PRKAG2: variants seen among roughly 807,000 people sequenced by gnomAD.
PRKAG2 encodes protein kinase AMP-activated non-catalytic subunit gamma 2.
Under a neutral mutation model 69.6 loss-of-function variants are expected in PRKAG2, and 26 were observed. That is an observed-to-expected ratio of 0.37 (90% confidence interval 0.27 to 0.52). PRKAG2 has a LOEUF of 0.52. Among genes scored for constraint, PRKAG2 ranks in the 20% least tolerant of loss-of-function variants. The pLI is 0.90. For missense variants in PRKAG2, 557 were observed against 740.0 expected (o/e 0.75, Z 2.87); for synonymous variants, 293 against 285.0 (o/e 1.03, Z -0.28).
chr7:151,694,299 A>G (rs73728270), intron 3 of PRKAG2, among the ~76,000 whole-genome samples: 1,647 of 152,298 alleles, frequency 0.011, 28 homozygotes, highest in African/African-American at 0.037. Flanking sequence ...TTTATTTTTG[A>G]TTTTGTTAAA....
At position 151,855,009 on chromosome 7, in the gene PRKAG2, C is replaced by T. The variant is rs146381454; in HGVS notation, c.114+21498G>A. Among the ~76,000 whole-genome samples the T allele has an allele frequency of 7.3e-4, 15 of 20,436 alleles. No individual in the cohort carries two copies. In the East Asian group the frequency reaches 0.013, roughly 18 times the overall value. The allele number at this position is 20,436 out of a possible 152,430, so 13.4% of individuals were successfully genotyped here. A position where few individuals can be genotyped will look rare whatever the true frequency, so the allele number is the denominator to read the frequency against. ...CTCCACACACACCATGCTCCACACA[C>T]ACCACCCTCCACACACACCATGCTC... On this transcript the variant is annotated intron_variant, in intron 1 of 15. Coordinates refer to ENST00000287878, the MANE Select transcript of PRKAG2 (RefSeq NM_016203.4).
chr7:151,775,454 G>T (rs1237579015), intron 3 of PRKAG2, among the ~76,000 whole-genome samples: 1 of 152,190 alleles, frequency 6.6e-6, no homozygotes, highest in Non-Finnish European at 1.5e-5. Context: ...AGTCCTGAGG[G>T]TTCAGCTCTT....
At chr7:151,864,232 C>T (rs1046575277) in intron 1 of PRKAG2, among the ~76,000 whole-genome samples, 1 of 152,242 alleles carries the variant, frequency 6.6e-6, no homozygotes, top group African/African-American at 2.4e-5. Context: ...AGAAGCCCTT[C>T]CCTGACCGTA....
Position 151,699,657 on chromosome 7 carries a change from G to T in PRKAG2, c.467-24020C>A, listed in dbSNP as rs920911171. Among the ~76,000 whole-genome samples, 5 of 152,206 alleles carry T rather than the reference G, an allele frequency of 3.3e-5. No individual in the cohort carries two copies. Among genetic ancestry groups the T allele is most frequent in the African/African-American group, 1.2e-4 (5 of 41,436 alleles). On this transcript the variant is annotated intron_variant, in intron 3 of 15. Coordinates refer to ENST00000287878, the MANE Select transcript of PRKAG2 (RefSeq NM_016203.4). The surrounding 1 kb of genome is among the most constrained non-coding windows in gnomAD (Gnocchi z 4.5). ...GTGGGATATGCAGTGCCTGGGCTTG[G>T]GGTAACAGAACCCAGCCTACGGGCC... is the stretch of plus-strand genomic sequence containing the variant.
At chr7:151,854,986 C>A (rs2079674904) in intron 1 of PRKAG2, among the ~76,000 whole-genome samples, 2 of 28,686 alleles carry the variant, frequency 7.0e-5, no homozygotes, top group Non-Finnish European at 7.7e-5. Context: ...ACACCATGCT[C>A]CACACACACC....
At chr7:151,586,224 C>A (rs1216838618) in intron 6 of PRKAG2, among the ~76,000 whole-genome samples, 1 of 152,232 alleles carries the variant, frequency 6.6e-6, no homozygotes, top group Admixed American at 6.5e-5. Context: ...TCCTCTGGGA[C>A]CTCGTGCCAG....
intron 1 of PRKAG2, among the ~76,000 whole-genome samples, chr7:151,867,679 T>C (rs1473303024): frequency 6.6e-6 from 1 of 152,192 alleles, no homozygotes; most frequent in Non-Finnish European, 1.5e-5. Flanking sequence ...GAGAATCCAA[T>C]TCCATCGCAC....
rs7789504 is a variant in PRKAG2 at position 151,780,053 on chromosome 7, G to A, written c.466+1099C>T. 0.031 allele frequency among the ~76,000 whole-genome samples: 4,722 copies of A among 152,256 alleles called. 252 individuals carry two copies. Among genetic ancestry groups the A allele is most frequent in the African/African-American group, 0.11 (4,462 of 41,524 alleles). On this transcript the variant is annotated intron_variant, in intron 3 of 15. Transcript: ENST00000287878. The surrounding 1 kb of genome is among the most constrained non-coding windows in gnomAD (Gnocchi z 4.2). ...CACAACACACACACAACCCACAGGCGGGAGCACCTTCATTTGTTTTATGTA... is the reference window on the plus strand; with the variant it reads ...CACAACACACACACAACCCACAGGCAGGAGCACCTTCATTTGTTTTATGTA...
chr7:151,735,328 C>A lies in PRKAG2; in HGVS notation c.466+45824G>T, dbSNP rs940618895. ...TACTGAACCACAGATGCTTCACCAC[C>A]TGTTCCACTTGCCCTGACCCCATCC... is the stretch of plus-strand genomic sequence containing the variant. On this transcript the variant is annotated intron_variant, in intron 3 of 15. Transcript: ENST00000287878. Among the ~76,000 whole-genome samples, 3 of 152,168 alleles carry A rather than the reference C, an allele frequency of 2.0e-5. No homozygotes were observed. The South Asian group carries it at 6.2e-4, about 32-fold the overall frequency.
At chr7:151,875,178 C>T (rs528439106) in intron 1 of PRKAG2, among the ~76,000 whole-genome samples, 3 of 152,370 alleles carry the variant, frequency 2.0e-5, no homozygotes, top group African/African-American at 7.2e-5. Context: ...GGGGGCCACA[C>T]AGCAGCCAGG....
intron 1 of PRKAG2, among the ~76,000 whole-genome samples, chr7:151,859,272 G>A (rs1192773469): frequency 6.6e-5 from 10 of 152,250 alleles, no homozygotes; most frequent in Non-Finnish European, 8.8e-5. Context: ...GGGGCGGGGC[G>A]AGGTGAGGCC....
At position 151,557,164 on chromosome 7, in the gene PRKAG2, T is replaced by C. The variant is rs1281587422; in HGVS notation, c.*37A>G. 6.2e-7 allele frequency: 1 copy of C among 1,614,128 alleles called. No individual in the cohort carries two copies. Among genetic ancestry groups the C allele is most frequent in the Admixed American group, 1.7e-5 (1 of 60,012 alleles). On this transcript the variant is annotated 3_prime_UTR_variant, in exon 16 of 16. Coordinates refer to ENST00000287878, the MANE Select transcript of PRKAG2 (RefSeq NM_016203.4). ...GCAAAACGTGACCCAGAGACTTTGT[T>C]CAAGTTCTCCTCCTAGGGCGTCTAC...
chr7:151,798,746 C>T (rs558062745), intron 1 of PRKAG2, among the ~76,000 whole-genome samples: 2 of 152,210 alleles, frequency 1.3e-5, no homozygotes, highest in South Asian at 2.1e-4. Flanking sequence ...CGAGGTGTCA[C>T]CAGAAGTGTG....
At chr7:151,725,343 A>C (rs1008662912) in intron 3 of PRKAG2, among the ~76,000 whole-genome samples, 11 of 152,124 alleles carry the variant, frequency 7.2e-5, no homozygotes, top group African/African-American at 2.7e-4. Flanking sequence ...TCATCAATGC[A>C]TAGAGACAGG....
intron 1 of PRKAG2, among the ~76,000 whole-genome samples, chr7:151,862,858 G>C (rs1311398983): frequency 1.3e-5 from 2 of 151,298 alleles, no homozygotes; most frequent in African/African-American, 2.4e-5. Context: ...TAGATCCCTG[G>C]GTTCAGAGGG....
At chr7:151,706,449 A>G (rs973063577) in intron 3 of PRKAG2, among the ~76,000 whole-genome samples, 1 of 152,130 alleles carries the variant, frequency 6.6e-6, no homozygotes, top group Admixed American at 6.5e-5. Context: ...CTAGGGTCCC[A>G]AAAGGGTCAG....
intron 4 of PRKAG2, among the ~76,000 whole-genome samples, chr7:151,667,210 A>C (rs1468045676): frequency 6.6e-6 from 1 of 152,102 alleles, no homozygotes; most frequent in East Asian, 1.9e-4. Context: ...TCACAACTTC[A>C]CCCTCTGCCC....
At chr7:151,692,667 G>A (rs1448610192) in intron 3 of PRKAG2, among the ~76,000 whole-genome samples, 1 of 152,130 alleles carries the variant, frequency 6.6e-6, no homozygotes, top group African/African-American at 2.4e-5. Flanking sequence ...GGTTGTCTCT[G>A]CAATGGGGGA....
In PRKAG2 at chr7:151,610,548, G is replaced by A. The variant is rs141367552; in HGVS notation, c.755-15094C>T. Among the ~76,000 whole-genome samples, 521 of 151,550 alleles carry A rather than the reference G, an allele frequency of 3.4e-3. 2 individuals carry two copies. Among genetic ancestry groups the A allele is most frequent in the Middle Eastern group, 0.014 (4 of 294 alleles). ...AAAAATTAGCTGGGCGTGGTGGTGC[G>A]CACCTGTAGTCTCAGCTACTCTGGA... is the stretch of plus-strand genomic sequence containing the variant. On this transcript the variant is annotated intron_variant, in intron 5 of 15. Transcript: ENST00000287878.
Sources: allele counts gnomAD v4.1 joint callset (sites outside exome capture counted in the v4.1 genomes callset), GRCh38; gene constraint gnomAD v4.1.1; non-coding constraint Gnocchi (gnomAD v3.1); transcripts MANE v1.5; gene names NCBI Gene and HGNC (gene_info 2026-07-23, HGNC 2026-07-21).